SDK1: variants seen among roughly 807,000 people sequenced by gnomAD.
The protein encoded by SDK1 is sidekick cell adhesion molecule 1.
Under a neutral mutation model 245.5 loss-of-function variants are expected in SDK1, and 157 were observed. The ratio of observed to expected loss-of-function variants is 0.64; its 90% confidence interval spans 0.56 to 0.73. The LOEUF (loss-of-function observed/expected upper bound fraction) is 0.73. Ranked by LOEUF, SDK1 falls within the 30% of genes least tolerant of loss-of-function variation. The pLI, the probability that SDK1 is intolerant of heterozygous loss-of-function variation, is 0.00. For missense variants in SDK1, 3,583 were observed against 3,002.3 expected (o/e 1.19, Z -4.52); for synonymous variants, 1,647 against 1,278.5 (o/e 1.29, Z -6.15).
rs58678214 is a variant in SDK1 at position 4,098,824 on chromosome 7, CTTTT to C, written c.3325-11814_3325-11811del. ...GATTACAGGAGCACACCACAATGCCCTTTTTTTTTTTTTTTTTTTTTTTTTTTTG... is the reference window on the plus strand; with the variant it reads ...GATTACAGGAGCACACCACAATGCCCTTTTTTTTTTTTTTTTTTTTTTTTG... On this transcript the variant is annotated intron_variant, in intron 22 of 44. Coordinates refer to ENST00000404826, the MANE Select transcript of SDK1 (RefSeq NM_152744.4). Among the ~76,000 whole-genome samples the C allele has an allele frequency of 7.6e-3, 628 of 82,838 alleles. 10 individuals are homozygous for C. Among genetic ancestry groups the C allele is most frequent in the African/African-American group, 0.039 (563 of 14,572 alleles). 54.3% of individuals were successfully genotyped at this position (82,838 alleles called of 152,430 possible).
intron 28 of SDK1, among the ~76,000 whole-genome samples, chr7:4,139,573 G>GTATATATGTGTGTATA (rs1289009779): frequency 0.12 from 3,005 of 24,216 alleles, 713 homozygotes; most frequent in Admixed American, 0.18. Context: ...GTGTGTATAT[G>GTATATATGTGTGTATA]TGTGTGTGTA....
intron 14 of SDK1, among the ~76,000 whole-genome samples, chr7:3,993,051 C>T (rs73673215): frequency 6.6e-6 from 1 of 152,168 alleles, no homozygotes; most frequent in Admixed American, 6.5e-5. Flanking sequence ...AAATTAATGA[C>T]AACTAAAATC....
chr7:4,201,600 C>T (rs1783884819), intron 35 of SDK1, among the ~76,000 whole-genome samples: 1 of 152,252 alleles, frequency 6.6e-6, no homozygotes, highest in African/African-American at 2.4e-5. Context: ...CATGGTCTAT[C>T]CTGGTCCAGT....
intron 2 of SDK1, among the ~76,000 whole-genome samples, chr7:3,632,583 C>G (rs563850207): frequency 1.3e-5 from 2 of 152,204 alleles, no homozygotes; most frequent in East Asian, 1.9e-4. Context: ...CTGTTTATTG[C>G]CCTTCTCAAG....
intron 22 of SDK1, among the ~76,000 whole-genome samples, chr7:4,110,293 T>C (rs1425167046): frequency 1.3e-5 from 2 of 152,170 alleles, no homozygotes; most frequent in East Asian, 3.9e-4. Context: ...CTCTAGGCTT[T>C]CTCTGAGCCC....
chr7:4,215,684 C>T (rs192776974), intron 38 of SDK1, among the ~76,000 whole-genome samples: 89 of 152,312 alleles, frequency 5.8e-4, no homozygotes, highest in African/African-American at 2.0e-3. Flanking sequence ...TGGTTTTGAG[C>T]CACTCGGTTT....
At chr7:3,716,447 TATC>T (rs1384240845) in intron 4 of SDK1, among the ~76,000 whole-genome samples, 3 of 152,120 alleles carry the variant, frequency 2.0e-5, no homozygotes, top group Non-Finnish European at 2.9e-5. Flanking sequence ...TTGGCAAAAA[TATC>T]ATTCAAGTAT....
chr7:3,928,479 A>T (rs1049712052), intron 5 of SDK1, among the ~76,000 whole-genome samples: 8 of 152,232 alleles, frequency 5.3e-5, no homozygotes, highest in African/African-American at 1.9e-4. Flanking sequence ...GATGGTGAAG[A>T]AAAGTTCAGG....
Position 3,967,391 on chromosome 7 carries a change from T to C in SDK1, c.1503T>C (p.Cys501=), listed in dbSNP as rs1243858173. The C allele has an allele frequency of 6.2e-7, 1 of 1,614,100 alleles. No homozygotes were observed. Among genetic ancestry groups the C allele is most frequent in the Non-Finnish European group, 8.5e-7 (1 of 1,179,988 alleles). The change falls in exon 10 of 45, where the codon TGT becomes TGC. Residue 501 remains cysteine (C), a synonymous_variant. Coordinates refer to ENST00000404826, the MANE Select transcript of SDK1 (RefSeq NM_152744.4). ...ACGGGATGACAGCCATTCTAAGGTGTGAGGTGTCCGGGGCTCCCAAACCCG... is the reference window on the plus strand; with the variant it reads ...ACGGGATGACAGCCATTCTAAGGTGCGAGGTGTCCGGGGCTCCCAAACCCG... ...VTDGMTAILR[C]EVSGAPKPAI...
At chr7:3,499,652 C>T (rs890798109) in intron 1 of SDK1, among the ~76,000 whole-genome samples, 11 of 152,180 alleles carry the variant, frequency 7.2e-5, no homozygotes, top group East Asian at 1.9e-4. Context: ...GTATACCCAT[C>T]GCTGTGTAAG....
At chr7:3,535,105 C>CT (rs1162672364) in intron 1 of SDK1, among the ~76,000 whole-genome samples, 2 of 152,092 alleles carry the variant, frequency 1.3e-5, no homozygotes, top group Non-Finnish European at 2.9e-5. Context: ...GAAACCCCGT[C>CT]TCTACTTAAA....
intron 4 of SDK1, among the ~76,000 whole-genome samples, chr7:3,795,146 C>G (rs148033016): frequency 2.6e-5 from 4 of 152,232 alleles, no homozygotes; most frequent in Non-Finnish European, 4.4e-5. Flanking sequence ...ACAACTGACT[C>G]TAAAATCTTT....
At chr7:4,237,885 A>G in intron 42 of SDK1, 101 bp downstream of exon 42, 5 of 1,389,820 alleles carry the variant, frequency 3.6e-6, no homozygotes, top group Non-Finnish European at 5.0e-6. Flanking sequence ...CTGCTTTTCC[A>G]TTTCATTTGC....
intron 22 of SDK1, among the ~76,000 whole-genome samples, chr7:4,083,294 A>T (rs769713980): frequency 1.3e-5 from 2 of 149,520 alleles, no homozygotes; most frequent in African/African-American, 2.5e-5. Context: ...ACAACCACTC[A>T]TCTGCTTCCT....
intron 5 of SDK1, among the ~76,000 whole-genome samples, chr7:3,868,244 C>T (rs1193379233): frequency 6.6e-6 from 1 of 152,196 alleles, no homozygotes; most frequent in East Asian, 1.9e-4. Context: ...ATAAACCTGT[C>T]ACCAATCATT....
chr7:3,680,543 A>G (rs540672984), intron 4 of SDK1, among the ~76,000 whole-genome samples: 14 of 152,354 alleles, frequency 9.2e-5, no homozygotes, highest in Middle Eastern at 6.8e-3. Flanking sequence ...ATATTGTACC[A>G]TAGTTACATA....
At position 3,698,022 on chromosome 7, in the gene SDK1, C is replaced by T. The variant is rs184064141; in HGVS notation, c.713+55917C>T. Among the ~76,000 whole-genome samples the T allele has an allele frequency of 2.5e-3, 377 of 152,214 alleles. 3 individuals are homozygous for T. The highest frequency in any genetic ancestry group is 8.3e-3 in the African/African-American group (345 of 41,532). ...ACAGTGCTGGCATCTCTGAGCTTTC[C>T]GTTTCTCTCATTTAGCTTGCACTGG... On this transcript the variant is annotated intron_variant, in intron 4 of 44. Coordinates refer to ENST00000404826, the MANE Select transcript of SDK1 (RefSeq NM_152744.4).
intron 1 of SDK1, among the ~76,000 whole-genome samples, chr7:3,559,567 G>C (rs7792517): frequency 7.3e-4 from 111 of 152,138 alleles, no homozygotes; most frequent in Admixed American, 1.2e-3. Flanking sequence ...ATTCATTGAC[G>C]CTCTTTTCTG....
At chr7:4,046,553 T>A (rs1789027263) in intron 17 of SDK1, among the ~76,000 whole-genome samples, 1 of 152,236 alleles carries the variant, frequency 6.6e-6, no homozygotes, top group Admixed American at 6.5e-5. Flanking sequence ...GCACCATTTG[T>A]CGAAATTACT....
Sources: gnomAD v4.1 joint callset for allele counts (sites outside exome capture counted in the v4.1 genomes callset) on GRCh38, gnomAD v4.1.1 for gene constraint, MANE v1.5 for transcripts, NCBI Gene and HGNC (gene_info 2026-07-23, HGNC 2026-07-21) for gene names.